N4BP2: variants seen among roughly 807,000 people sequenced by gnomAD.
The protein encoded by N4BP2 is NEDD4-binding protein 2.
In N4BP2, 91 loss-of-function variants were observed where a neutral mutation model predicts 152.8. The ratio of observed to expected loss-of-function variants is 0.60; its 90% confidence interval spans 0.50 to 0.71. The LOEUF is 0.71. Among genes scored for constraint, N4BP2 ranks in the 30% least tolerant of loss-of-function variants. The pLI is 0.00. For synonymous variants in N4BP2, 646 were observed against 705.3 expected (o/e 0.92, Z 1.33); for missense variants, 1,923 against 2,059.1 (o/e 0.93, Z 1.28).
At chr4:40,175,283 A>G in the N4BP2 span, among the ~76,000 whole-genome samples, 1 of 151,206 alleles carries the variant, frequency 6.6e-6, no homozygotes, top group African/African-American at 2.4e-5. Context: ...TCAGCTTCCC[A>G]AAGTGCTAGG....
the N4BP2 span, among the ~76,000 whole-genome samples, chr4:40,185,146 A>G: frequency 1.3e-5 from 2 of 152,058 alleles, no homozygotes; most frequent in Non-Finnish European, 2.9e-5. Context: ...GTAATGAATT[A>G]ATTTGAAAAG....
the N4BP2 span, among the ~76,000 whole-genome samples, chr4:40,189,917 C>T: frequency 7.2e-6 from 1 of 138,646 alleles, no homozygotes; most frequent in African/African-American, 2.9e-5. This position sits in a 1 kb window ranked among gnomAD's most constrained non-coding sequence, Gnocchi z 4.3. Flanking sequence ...CACACACAGA[C>T]ACATACACAC....
chr4:40,127,583 CTTAT>C (rs1452392197), intron 12 of N4BP2, among the ~76,000 whole-genome samples: 3 of 151,820 alleles, frequency 2.0e-5, no homozygotes, highest in Admixed American at 1.3e-4. Context: ...TGAAGGAAAT[CTTAT>C]TTAAAGATAA....
intron 1 of N4BP2, among the ~76,000 whole-genome samples, chr4:40,062,941 C>T (rs1319604764): frequency 6.6e-6 from 1 of 152,262 alleles, no homozygotes; most frequent in South Asian, 2.1e-4. Flanking sequence ...TTTGTCATCT[C>T]ACCACATAGC....
intron 2 of N4BP2, among the ~76,000 whole-genome samples, chr4:40,083,541 C>A (rs1239096186): frequency 6.6e-6 from 1 of 152,106 alleles, no homozygotes; most frequent in Non-Finnish European, 1.5e-5. Flanking sequence ...CATGGATGAA[C>A]CTGGAAAACA....
chr4:40,124,076 C>T (rs1296929685), intron 10 of N4BP2, 84 bp from the exon 11 acceptor site: 6 of 1,005,302 alleles, frequency 6.0e-6, no homozygotes, highest in Non-Finnish European at 9.4e-6. Flanking sequence ...GAAATGATTT[C>T]TAGAGAAAAA....
intron 2 of N4BP2, among the ~76,000 whole-genome samples, chr4:40,089,212 C>G (rs1284586860): frequency 6.6e-6 from 1 of 151,950 alleles, no homozygotes; most frequent in East Asian, 1.9e-4. Context: ...CTCTTCAGCC[C>G]CTGTTGGGCT....
In N4BP2 at chr4:40,120,199, C is replaced by A. The variant is rs746936326; in HGVS notation, c.2088C>A (p.Asp696Glu). Residue 696 changes from aspartate (D) to glutamate (E), a missense_variant, in exon 9 of 18, where the codon GAC becomes GAA. Coordinates refer to ENST00000261435, the MANE Select transcript of N4BP2 (RefSeq NM_018177.6). ...CTGAAAGCAAACTACAGGCAACAGA[C>A]AAAAGTGAAAACGAGCAAATAGAAA... is the stretch of plus-strand genomic sequence containing the variant. ...SDSESKLQAT[D>E]KSENEQIEMV... 6.2e-7 allele frequency: 1 copy of A among 1,613,638 alleles called. No homozygotes were observed. The highest frequency in any genetic ancestry group is 2.2e-5 in the East Asian group (1 of 44,866).
intron 4 of N4BP2, among the ~76,000 whole-genome samples, chr4:40,104,738 A>T (rs1301481775): frequency 1.3e-5 from 2 of 152,110 alleles, no homozygotes; most frequent in African/African-American, 4.8e-5. Context: ...ACAAGGTAGA[A>T]ACTTAATATT....
chr4:40,175,877 T>C, the N4BP2 span, among the ~76,000 whole-genome samples: 21 of 144,230 alleles, frequency 1.5e-4, no homozygotes, highest in African/African-American at 5.0e-4. Context: ...GATCACGAGG[T>C]CAGGAGATCG....
At chr4:40,144,471 AT>A (rs1453179387) in intron 15 of N4BP2, among the ~76,000 whole-genome samples, 160 bp from the exon 16 acceptor site, 1 of 152,220 alleles carries the variant, frequency 6.6e-6, no homozygotes, top group Non-Finnish European at 1.5e-5. Flanking sequence ...ATTTACCTAA[AT>A]TTTGGTGCAT....
chr4:40,088,956 T>G (rs1301452808), intron 2 of N4BP2, among the ~76,000 whole-genome samples: 1 of 151,966 alleles, frequency 6.6e-6, no homozygotes, highest in Admixed American at 6.6e-5. Flanking sequence ...GTTTTTTTTG[T>G]GTGTGTTTTT....
the N4BP2 span, among the ~76,000 whole-genome samples, chr4:40,170,489 C>G: frequency 9.9e-5 from 15 of 152,222 alleles, no homozygotes; most frequent in Middle Eastern, 3.4e-3. Flanking sequence ...TGTGGTGGTG[C>G]GTGCCTTTAG....
chr4:40,134,856 T>G (rs1719211279), intron 13 of N4BP2, among the ~76,000 whole-genome samples: 1 of 151,706 alleles, frequency 6.6e-6, no homozygotes. Context: ...CTTTCTTGCT[T>G]CTTTCTTTCT....
At chr4:40,113,583 T>G in intron 7 of N4BP2, 75 bp downstream of exon 7, 1 of 975,766 alleles carries the variant, frequency 1.0e-6, no homozygotes. Context: ...TTTTTCCCCT[T>G]GTAAATGATG....
chr4:40,066,343 G>C (rs1409876381), intron 1 of N4BP2, among the ~76,000 whole-genome samples: 2 of 127,904 alleles, frequency 1.6e-5, no homozygotes, highest in East Asian at 2.3e-4. Context: ...TTTTGAGACA[G>C]TGTCTCACTT....
the N4BP2 span, among the ~76,000 whole-genome samples, chr4:40,172,731 T>C: frequency 2.6e-5 from 4 of 152,234 alleles, no homozygotes; most frequent in Non-Finnish European, 5.9e-5. Context: ...ACTGTAGCCC[T>C]AGCAAACTAA....
At chr4:40,145,118 T>C (rs1720394809) in intron 16 of N4BP2, among the ~76,000 whole-genome samples, 1 of 152,246 alleles carries the variant, frequency 6.6e-6, no homozygotes, top group Non-Finnish European at 1.5e-5. Context: ...TAGACATTTA[T>C]TAAACTTAAT....
chr4:40,064,472 G>A (rs1195827659), intron 1 of N4BP2, among the ~76,000 whole-genome samples: 6 of 151,834 alleles, frequency 4.0e-5, no homozygotes, highest in African/African-American at 1.5e-4. Flanking sequence ...ACGGGGTTTT[G>A]CCATGTTGGT....
Sources: allele counts gnomAD v4.1 joint callset (sites outside exome capture counted in the v4.1 genomes callset), GRCh38; gene constraint gnomAD v4.1.1; non-coding constraint Gnocchi (gnomAD v3.1); transcripts MANE v1.5; gene names NCBI Gene and HGNC (gene_info 2026-07-23, HGNC 2026-07-21).